CRIP1: variants seen among roughly 807,000 people sequenced by gnomAD.
CRIP1 encodes the protein cysteine-rich protein 1.
A neutral mutation model predicts 12.9 loss-of-function variants in CRIP1; 11 were observed. That is an observed-to-expected ratio of 0.86 (90% CI 0.54 to 1.42). The LOEUF is 1.42. Ranked by LOEUF, CRIP1 falls within the 40% of genes most tolerant of loss-of-function variation. The pLI is 0.00. For missense variants in CRIP1, 122 were observed against 101.3 expected, an observed-to-expected ratio of 1.20 and a Z score of -0.88; for synonymous variants, 41 against 37.2, an observed-to-expected ratio of 1.10 and a Z score of -0.37.
intron 1 of CRIP1, 98 bp downstream of exon 1, chr14:105,487,070 C>A (rs2084127419): frequency 2.2e-6 from 3 of 1,374,652 alleles, no homozygotes; most frequent in Admixed American, 3.3e-5. Context: ...TTTCTTGGGC[C>A]CTGGGCCTAG....
chr14:105,486,921 G>C lies in CRIP1; in HGVS notation c.-113G>C. 8 of 1,132,338 alleles carry C rather than the reference G, an allele frequency of 7.1e-6. No individual in the cohort carries two copies. Among genetic ancestry groups the C allele is most frequent in the Non-Finnish European group, 8.7e-6 (8 of 922,876 alleles). The allele number at this position is 1,132,338 out of a possible 1,614,324, so 70.1% of individuals were successfully genotyped here. The stretch of plus-strand genomic sequence containing the variant: ...GGAACTGGACCCGGGAGACATCACA[G>C]CGCTGGGCTAGGGGCGCGGCTTGAA... On this transcript the variant is annotated 5_prime_UTR_variant, in exon 1 of 6. Transcript: ENST00000392531.
At chr14:105,487,087 G>A (rs1231978461) in intron 1 of CRIP1, 112 bp from the exon 2 acceptor site, 7 of 1,365,152 alleles carry the variant, frequency 5.1e-6, no homozygotes, top group Non-Finnish European at 5.7e-6. Flanking sequence ...CTAGATTCGA[G>A]GTCCCCAGGG....
chr14:105,487,624 G>C (rs1382897337), intron 2 of CRIP1: 1 of 299,856 alleles, frequency 3.3e-6, no homozygotes, highest in Non-Finnish European at 6.1e-6. Context: ...AAGGAACGCG[G>C]GGCTGGGGCC....
At position 105,488,675 on chromosome 14, in the gene CRIP1, C is replaced by T; in HGVS notation, c.*18C>T. 1 of 768,252 alleles carries T rather than the reference C, an allele frequency of 1.3e-6. No individual in the cohort carries two copies. Among genetic ancestry groups the T allele is most frequent in the Non-Finnish European group, 2.1e-6 (1 of 471,766 alleles). The allele number at this position is 768,252 out of a possible 1,614,324, so 47.6% of individuals were successfully genotyped here. ...TCTCTCTGCACAGGTGGTGGAGACCCCATCCTTGGCTGCTTGCAGGGCCAC... is the reference window on the plus strand; with the variant it reads ...TCTCTCTGCACAGGTGGTGGAGACCTCATCCTTGGCTGCTTGCAGGGCCAC... On this transcript the variant is annotated 3_prime_UTR_variant, in exon 6 of 6. Coordinates refer to ENST00000392531, the MANE Select transcript of CRIP1 (RefSeq NM_001311.5).
In CRIP1 at chr14:105,488,260, G is replaced by A. The variant is rs1555438467; in HGVS notation, c.135G>A (p.Glu45=). 1.2e-6 allele frequency: 2 copies of A among 1,613,478 alleles called. No homozygotes were observed. Among genetic ancestry groups the A allele is most frequent in the South Asian group, 2.2e-5 (2 of 91,088 alleles). Residue 45 remains glutamate, a splice_region_variant and synonymous_variant, in exon 3 of 6, where the codon GAG becomes GAA. Coordinates refer to ENST00000392531, the MANE Select transcript of CRIP1 (RefSeq NM_001311.5). ...CGCTGACCTCTGGGGGCCACGCTGA[G>A]GTAGGTGGGACCCACCCTGGTGGCA... ...GKTLTSGGHA[E]HEGKPYCNHP... is the part of the protein sequence containing the mutation.
At position 105,488,398 on chromosome 14, in the gene CRIP1, C is replaced by T. The variant is rs1181364384; in HGVS notation, c.193+10C>T. On this transcript the variant is annotated intron_variant, in intron 4 of 5. Coordinates refer to ENST00000392531, the MANE Select transcript of CRIP1 (RefSeq NM_001311.5). ...ATGTTTGGGCCTAAAGGTATGCTCC[C>T]GTCATCCCCACCCCACCCCACCCCA... 6.8e-6 allele frequency: 11 copies of T among 1,610,078 alleles called. No homozygotes were observed. The highest frequency in any genetic ancestry group is 4.5e-5 in the East Asian group (2 of 44,794).
intron 1 of CRIP1, 98 bp from the exon 2 acceptor site, chr14:105,487,101 A>C (rs1264984005): frequency 7.2e-7 from 1 of 1,379,732 alleles, no homozygotes; most frequent in Non-Finnish European, 9.5e-7. Flanking sequence ...CCCAGGGTCC[A>C]AGTCCTGGGT....
intron 2 of CRIP1, 76 bp downstream of exon 2, chr14:105,487,375 C>CG: frequency 1.5e-6 from 2 of 1,361,322 alleles, no homozygotes; most frequent in South Asian, 2.7e-5. Context: ...TCAGGAGGAC[C>CG]GGGGGCGCTG....
In CRIP1 at chr14:105,487,298, C is replaced by A. The variant is rs1555438236; in HGVS notation, c.39C>A (p.Phe13Leu). 3 of 1,543,402 alleles carry A rather than the reference C, an allele frequency of 1.9e-6. No homozygotes were observed. Among genetic ancestry groups the A allele is most frequent in the East Asian group, 2.5e-5 (1 of 40,170 alleles). ...KCPKCNKEVY[F>L]AERVTSLGKD... Reference sequence around the variant, plus strand: ...CCAAGTGCAACAAGGAGGTGTACTTCGGTGAGCGCGCCCACACCGGCCCCG... The same window carrying A: ...CCAAGTGCAACAAGGAGGTGTACTTAGGTGAGCGCGCCCACACCGGCCCCG... Residue 13 changes from phenylalanine to leucine, a missense_variant and splice_region_variant, in exon 2 of 6, where the codon TTC becomes TTA. Coordinates refer to ENST00000392531, the MANE Select transcript of CRIP1 (RefSeq NM_001311.5).
Position 105,488,396 on chromosome 14 carries a change from C to G in CRIP1, c.193+8C>G, listed in dbSNP as rs782604672. On this transcript the variant is annotated splice_region_variant and intron_variant, in intron 4 of 5. Transcript: ENST00000392531. ...CCATGTTTGGGCCTAAAGGTATGCT[C>G]CCGTCATCCCCACCCCACCCCACCC... is the stretch of plus-strand genomic sequence containing the variant. 1 of 1,610,308 alleles carries G rather than the reference C, an allele frequency of 6.2e-7. No individual in the cohort carries two copies. Among genetic ancestry groups the G allele is most frequent in the East Asian group, 2.2e-5 (1 of 44,808 alleles).
At position 105,486,903 on chromosome 14, in the gene CRIP1, G is replaced by A. The variant is rs587603514; in HGVS notation, c.-131G>A. The A allele has an allele frequency of 1.8e-4, 201 of 1,093,816 alleles. 1 individual carries two copies. In the African/African-American group the frequency reaches 3.0e-3, roughly 17 times the overall value. 67.8% of individuals were successfully genotyped at this position (1,093,816 alleles called of 1,614,324 possible). A position where few individuals can be genotyped will look rare whatever the true frequency, so the allele number is the denominator to read the frequency against. On this transcript the variant is annotated 5_prime_UTR_variant, in exon 1 of 6. Transcript: ENST00000392531. ...GGGTGAGCCTTTTGCCTCGGAACTG[G>A]ACCCGGGAGACATCACAGCGCTGGG...
At chr14:105,487,651 A>C in intron 2 of CRIP1, 1 of 241,032 alleles carries the variant, frequency 4.1e-6, no homozygotes, top group Non-Finnish European at 7.9e-6. Context: ...CCCAGCGCTA[A>C]GTGGAAACAG....
intron 2 of CRIP1, 179 bp from the exon 3 acceptor site, chr14:105,487,987 A>C: frequency 1.6e-6 from 1 of 611,122 alleles, no homozygotes; most frequent in Non-Finnish European, 2.9e-6. Flanking sequence ...GGCTCTGGGG[A>C]TTGGAGATGT....
chr14:105,487,526 T>A, intron 2 of CRIP1: 1 of 508,938 alleles, frequency 2.0e-6, no homozygotes, highest in Non-Finnish European at 3.5e-6. Context: ...GCGGGCTACC[T>A]CTGGCTCTGA....
rs2084153616 is a variant in CRIP1, at chr14:105,488,666, G to A, written c.*9G>A. 2.4e-6 allele frequency: 2 copies of A among 835,016 alleles called. No homozygotes were observed. Among genetic ancestry groups the A allele is most frequent in the Non-Finnish European group, 3.8e-6 (2 of 527,402 alleles). 51.7% of individuals were successfully genotyped at this position (835,016 alleles called of 1,614,324 possible). On this transcript the variant is annotated 3_prime_UTR_variant, in exon 6 of 6. Transcript: ENST00000392531. ...GTGCCTGTCTCTCTCTGCACAGGTG[G>A]TGGAGACCCCATCCTTGGCTGCTTG...
intron 2 of CRIP1, 144 bp downstream of exon 2, chr14:105,487,443 C>G: frequency 1.5e-6 from 1 of 668,168 alleles, no homozygotes; most frequent in East Asian, 3.2e-5. Flanking sequence ...CCGCCTGCCC[C>G]GGGATGAGGG....
chr14:105,487,848 T>G (rs1283285733), intron 2 of CRIP1: 5 of 393,286 alleles, frequency 1.3e-5, no homozygotes, highest in Admixed American at 4.0e-5. Flanking sequence ...CAGGCCCTGC[T>G]GACCTAAGCC....
In CRIP1 at chr14:105,488,717, A is replaced by C. The variant is rs1283414328; in HGVS notation, c.*60A>C. On this transcript the variant is annotated 3_prime_UTR_variant, in exon 6 of 6. Transcript: ENST00000392531. ...CAGGGCCACTGTCCAGGCAAATGCC[A>C]GGCCTTGTCCCCAGATGCCCAGGGC... 5.0e-5 allele frequency: 31 copies of C among 616,730 alleles called. No individual in the cohort carries two copies. The highest frequency in any genetic ancestry group is 4.4e-4 in the Middle Eastern group (1 of 2,262). The allele number at this position is 616,730 out of a possible 1,614,324, so 38.2% of individuals were successfully genotyped here.
chr14:105,488,662 G>A lies in CRIP1; in HGVS notation c.*6-1G>A, dbSNP rs2084153551. The stretch of plus-strand genomic sequence containing the variant: ...GTCTGTGCCTGTCTCTCTCTGCACA[G>A]GTGGTGGAGACCCCATCCTTGGCTG... On this transcript the variant is annotated splice_acceptor_variant, in intron 5 of 5. Transcript: ENST00000392531. LOFTEE classifies it low-confidence loss of function (3UTR_SPLICE). 1.2e-6 allele frequency: 1 copy of A among 859,696 alleles called. No individual in the cohort carries two copies. Among genetic ancestry groups the A allele is most frequent in the Non-Finnish European group, 1.8e-6 (1 of 548,142 alleles). The allele number at this position is 859,696 out of a possible 1,614,324, so 53.3% of individuals were successfully genotyped here.
Sources: gnomAD v4.1 joint callset for allele counts on GRCh38, gnomAD v4.1.1 for gene constraint, MANE v1.5 for transcripts, NCBI Gene and HGNC (gene_info 2026-07-23, HGNC 2026-07-21) for gene names.